NAA11: variants seen among roughly 807,000 people sequenced by gnomAD.
NAA11 encodes N-alpha-acetyltransferase 11, NatA catalytic subunit.
A neutral mutation model predicts 16.1 loss-of-function variants in NAA11; 15 were observed. The ratio of observed to expected loss-of-function variants is 0.93; its 90% CI spans 0.62 to 1.44. The LOEUF (loss-of-function observed/expected upper bound fraction) is 1.44. Among genes scored for constraint, NAA11 ranks in the 40% most tolerant of loss-of-function variants. NAA11 has a pLI of 0.00. For missense variants in NAA11, 298 were observed against 291.3 expected (o/e 1.02, Z -0.17); for synonymous variants, 122 against 112.4 (o/e 1.09, Z -0.54).
the NAA11 span, among the ~76,000 whole-genome samples, chr4:79,196,955 C>CAAAAAGAAAAAAAGAAAA: frequency 1.2e-5 from 1 of 86,168 alleles, no homozygotes; most frequent in Non-Finnish European, 2.1e-5. Context: ...ATGAAAAAGA[C>CAAAAAGAAAAAAAGAAAA]AAAAAAAAAA....
chr4:79,200,699 G>A, the NAA11 span, among the ~76,000 whole-genome samples: 1 of 151,710 alleles, frequency 6.6e-6, no homozygotes, highest in African/African-American at 2.4e-5. Flanking sequence ...TATAAAAATA[G>A]TTTAATTATA....
chr4:79,264,107 C>G (rs1722294287), intron 2 of NAA11, among the ~76,000 whole-genome samples: 1 of 152,168 alleles, frequency 6.6e-6, no homozygotes, highest in Non-Finnish European at 1.5e-5. Context: ...ATCAACACTT[C>G]CGCTCGTGCA....
intron 1 of NAA11, among the ~76,000 whole-genome samples, chr4:79,305,435 G>T (rs1723548392): frequency 6.6e-6 from 1 of 152,148 alleles, no homozygotes; most frequent in Non-Finnish European, 1.5e-5. Flanking sequence ...GAAGTTTTAT[G>T]TGCCTAAAAT....
chr4:79,227,243 A>G (rs1721337908), intron 2 of NAA11: 1 of 151,990 alleles, frequency 6.6e-6, no homozygotes, highest in South Asian at 2.1e-4. Context: ...ATAGGAGAAA[A>G]TTTTTGCAAT....
the NAA11 span, among the ~76,000 whole-genome samples, chr4:79,209,729 AC>A: frequency 6.6e-6 from 1 of 152,120 alleles, no homozygotes; most frequent in Non-Finnish European, 1.5e-5. Context: ...TTGTAACTGA[AC>A]CCTCAATAAC....
intron 2 of NAA11, among the ~76,000 whole-genome samples, chr4:79,242,579 C>A (rs1225085584): frequency 6.6e-6 from 1 of 152,200 alleles, no homozygotes; most frequent in African/African-American, 2.4e-5. Context: ...CCTGGTCCTC[C>A]TTAGTCCTCT....
Position 79,317,227 on chromosome 4 carries a change from C to T in NAA11, c.*577G>A, listed in dbSNP as rs932559427. On this transcript the variant is annotated 3_prime_UTR_variant, in exon 2 of 2. Transcript: ENST00000286794. ...CCTTTTCCCACTGGGAAGGTGATGC[C>T]CTCCTCCTCAAAAAAAAGGGAGGGG... 1 of 151,914 alleles carries T rather than the reference C, an allele frequency of 6.6e-6. No individual in the cohort carries two copies. Among genetic ancestry groups the T allele is most frequent in the African/African-American group, 2.4e-5 (1 of 41,346 alleles). 9.4% of individuals were successfully genotyped at this position (151,914 alleles called of 1,614,324 possible).
Position 79,325,531 on chromosome 4 carries a change from C to T in NAA11, c.347G>A (p.Arg116Gln), listed in dbSNP as rs757593668. The T allele has an allele frequency of 1.4e-5, 23 of 1,614,022 alleles. No individual in the cohort carries two copies. Among genetic ancestry groups the T allele is most frequent in the Non-Finnish European group, 1.8e-5 (21 of 1,180,012 alleles). ...GTTAGAATAAAGGTGCAAGGCTGGC[C>T]GGTTACTCTTCCTGACGTGCAGAGA... ...YVSLHVRKSN[R>Q]PALHLYSNTL... The change falls in exon 1 of 2, where the codon CGG (arginine) becomes CAG (glutamine). Residue 116 changes from arginine (R) to glutamine (Q), a missense_variant. By Grantham distance (43) the Arg-to-Gln change is conservative. Transcript: ENST00000286794.
chr4:79,246,376 C>CAAAAAAAAA (rs1560420199), intron 2 of NAA11, among the ~76,000 whole-genome samples: 6 of 114,184 alleles, frequency 5.3e-5, no homozygotes, highest in Middle Eastern at 4.1e-3. Flanking sequence ...TCAATAAATA[C>CAAAAAAAAA]TAAAAAAAAA....
chr4:79,254,380 A>G (rs1409530430), intron 2 of NAA11, among the ~76,000 whole-genome samples: 1 of 152,220 alleles, frequency 6.6e-6, no homozygotes, highest in Non-Finnish European at 1.5e-5. Context: ...AATTCTCATT[A>G]TAAGTTATCC....
the NAA11 span, among the ~76,000 whole-genome samples, chr4:79,220,179 G>T: frequency 6.6e-6 from 1 of 152,086 alleles, no homozygotes; most frequent in Non-Finnish European, 1.5e-5. Flanking sequence ...TGTAACCTCC[G>T]CTTCCTGGGT....
the NAA11 span, among the ~76,000 whole-genome samples, chr4:79,196,844 A>G: frequency 6.6e-6 from 1 of 151,598 alleles, no homozygotes. Context: ...GGAGAAACAG[A>G]AGAGTGTCAG....
chr4:79,216,825 A>G, the NAA11 span, among the ~76,000 whole-genome samples: 2 of 152,142 alleles, frequency 1.3e-5, no homozygotes, highest in African/African-American at 4.8e-5. Context: ...TATATGCCCA[A>G]GCCAGTATTG....
chr4:79,198,894 A>G, the NAA11 span, among the ~76,000 whole-genome samples: 4 of 151,922 alleles, frequency 2.6e-5, no homozygotes, highest in Non-Finnish European at 5.9e-5. Context: ...CCCAAATTCT[A>G]TGCAACCTGC....
intron 2 of NAA11, among the ~76,000 whole-genome samples, chr4:79,288,960 T>A (rs748791568): frequency 9.2e-5 from 14 of 152,244 alleles, no homozygotes; most frequent in Non-Finnish European, 1.9e-4. Flanking sequence ...ATTCAATATT[T>A]TTCTACAATA....
the NAA11 span, among the ~76,000 whole-genome samples, chr4:79,190,470 A>T: frequency 6.5e-5 from 6 of 91,636 alleles, no homozygotes; most frequent in African/African-American, 1.4e-4. Context: ...TTTTTTTTTA[A>T]AAAAAGCACA....
the NAA11 span, among the ~76,000 whole-genome samples, chr4:79,200,711 A>T: frequency 1.3e-5 from 2 of 151,768 alleles, no homozygotes; most frequent in East Asian, 1.9e-4. Context: ...TTAATTATAA[A>T]TTGAGTTTTC....
intron 2 of NAA11, among the ~76,000 whole-genome samples, chr4:79,280,430 AC>A (rs1345612166): frequency 1.3e-5 from 2 of 152,044 alleles, no homozygotes; most frequent in African/African-American, 4.8e-5. Flanking sequence ...GTTTATACTC[AC>A]TTTTTCTGGT....
chr4:79,286,378 G>A (rs763826533), intron 2 of NAA11, among the ~76,000 whole-genome samples: 1 of 152,002 alleles, frequency 6.6e-6, no homozygotes, highest in Admixed American at 6.6e-5. Flanking sequence ...GGCAAATAAG[G>A]TGAAGGGATG....
Sources: allele counts gnomAD v4.1 joint callset (sites outside exome capture counted in the v4.1 genomes callset), GRCh38; gene constraint gnomAD v4.1.1; transcripts MANE v1.5; gene names NCBI Gene and HGNC (gene_info 2026-07-23, HGNC 2026-07-21).